Variants in MTRR observed in about 807,000 individuals in gnomAD.
MTRR encodes 5-methyltetrahydrofolate-homocysteine methyltransferase reductase.
A neutral mutation model predicts 79.2 loss-of-function variants in MTRR; 63 were observed. That is an observed-to-expected ratio of 0.80 (90% CI 0.65 to 0.98). MTRR has a LOEUF of 0.98. Among genes scored for constraint, MTRR ranks in the 50% least tolerant of loss-of-function variants. The pLI is 0.00. For missense variants in MTRR, 895 were observed against 839.6 expected (o/e 1.07, Z -0.82); for synonymous variants, 355 against 313.3 (o/e 1.13, Z -1.41).
chr5:7,859,296 A>G (rs1327435193), intron 1 of MTRR: 1 of 481,846 alleles, frequency 2.1e-6, no homozygotes, highest in East Asian at 3.3e-5. Flanking sequence ...TACATAGTAT[A>G]AGGAAAACTA....
At chr5:7,880,565 C>T (rs1186931917) in intron 5 of MTRR, among the ~76,000 whole-genome samples, 2 of 152,186 alleles carry the variant, frequency 1.3e-5, no homozygotes, top group African/African-American at 4.8e-5. Context: ...AATGGAGATA[C>T]GATAGAGACC....
Position 7,889,006 on chromosome 5 carries a change from G to A in MTRR, c.1147-89G>A. 3.4e-6 allele frequency: 5 copies of A among 1,470,366 alleles called. No homozygotes were observed. In the East Asian group the frequency reaches 1.1e-4, roughly 34 times the overall value. 91.1% of individuals were successfully genotyped at this position (1,470,366 alleles called of 1,614,324 possible). Reference sequence around the variant, plus strand: ...TTTCTCATTTTTTCTTGGGTAATTGGGTGCATCCCTAGGCAGACATTTAAC... The same window carrying A: ...TTTCTCATTTTTTCTTGGGTAATTGAGTGCATCCCTAGGCAGACATTTAAC... On this transcript the variant is annotated intron_variant, in intron 8 of 14. Transcript: ENST00000440940.
intron 2 of MTRR, chr5:7,872,350 A>G: frequency 2.8e-6 from 1 of 360,584 alleles, no homozygotes; most frequent in Non-Finnish European, 5.4e-6. Context: ...AATTTACACG[A>G]GAGTAAGAAT....
intron 3 of MTRR, among the ~76,000 whole-genome samples, chr5:7,875,003 A>G (rs1417876742): frequency 2.0e-5 from 3 of 152,184 alleles, no homozygotes; most frequent in South Asian, 4.1e-4. Context: ...TGGAGATGAA[A>G]ATGTGAAGTC....
Position 7,896,839 on chromosome 5 carries a change from C to T in MTRR, c.1677-25C>T, listed in dbSNP as rs759218623. On this transcript the variant is annotated intron_variant, in intron 12 of 14. Coordinates refer to ENST00000440940, the MANE Select transcript of MTRR (RefSeq NM_002454.3). Reference sequence around the variant, plus strand: ...TTTACATATTCTTTATATCACACACCTAAACTTTTTTTTTTTCCACTTAGA... The same window carrying T: ...TTTACATATTCTTTATATCACACACTTAAACTTTTTTTTTTTCCACTTAGA... The T allele has an allele frequency of 1.9e-6, 3 of 1,594,428 alleles. No homozygotes were observed. The African/African-American group carries it at 4.0e-5, about 21-fold the overall frequency.
intron 1 of MTRR, chr5:7,859,472 A>C: frequency 6.2e-7 from 1 of 1,607,660 alleles, no homozygotes; most frequent in Non-Finnish European, 8.5e-7. Flanking sequence ...TTGAGAAAAC[A>C]GTTTTCTTTG....
chr5:7,868,045 T>TAA, upstream of MTRR: 1 of 1,612,896 alleles, frequency 6.2e-7, no homozygotes, highest in Non-Finnish European at 8.5e-7. Context: ...GAAAATCAGA[T>TAA]AAACGATAAA....
At chr5:7,851,055 G>A (rs1350620069), upstream of MTRR, 3 of 1,236,464 alleles carry the variant, frequency 2.4e-6, no homozygotes, top group South Asian at 3.9e-5. Context: ...CCTTGGCCGC[G>A]GTCCGTCCCG....
chr5:7,865,635 G>A (rs528848534), upstream of MTRR, among the ~76,000 whole-genome samples: 3 of 152,146 alleles, frequency 2.0e-5, no homozygotes, highest in Non-Finnish European at 4.4e-5. Context: ...CCTTCAGAGA[G>A]AATGGAGAAA....
intron 10 of MTRR, among the ~76,000 whole-genome samples, chr5:7,891,994 A>G (rs912392097): frequency 6.6e-6 from 1 of 152,096 alleles, no homozygotes; most frequent in African/African-American, 2.4e-5. Context: ...GTGAGCCAAG[A>G]TCGAGCCACT....
intron 1 of MTRR, among the ~76,000 whole-genome samples, chr5:7,855,925 G>T (rs1039721597): frequency 1.3e-5 from 2 of 152,168 alleles, no homozygotes; most frequent in Non-Finnish European, 2.9e-5. Flanking sequence ...CAACATGAAG[G>T]CAGGTTTCCT....
At chr5:7,887,538 A>ATATATGTATATTTATATATATATAGATT (rs577768398) in intron 8 of MTRR, among the ~76,000 whole-genome samples, 2,348 of 148,008 alleles carry the variant, frequency 0.016, 29 homozygotes, top group Non-Finnish European at 0.024. Context: ...CTCTAAATAA[A>ATATATGTATATTTATATATATATAGATT]TATATGTATA....
chr5:7,858,585 T>C (rs1167883638), intron 1 of MTRR, among the ~76,000 whole-genome samples: 1 of 152,196 alleles, frequency 6.6e-6, no homozygotes, highest in Admixed American at 6.5e-5. Flanking sequence ...AAAACCATGA[T>C]GGGGTAGACG....
intron 11 of MTRR, chr5:7,893,673 A>G (rs578144176): frequency 6.6e-6 from 1 of 152,030 alleles, no homozygotes; most frequent in Non-Finnish European, 1.5e-5. Context: ...CTTTCTTCAT[A>G]GTAATGAAGA....
upstream of MTRR, chr5:7,867,608 A>G (rs754766193): frequency 5.6e-6 from 9 of 1,614,258 alleles, no homozygotes; most frequent in Non-Finnish European, 7.6e-6. Flanking sequence ...TAAAGCTTGA[A>G]AGATGCTATT....
At chr5:7,867,503 C>CT, upstream of MTRR, 1 of 1,614,250 alleles carries the variant, frequency 6.2e-7, no homozygotes, top group Non-Finnish European at 8.5e-7. Flanking sequence ...CAACAGGCTA[C>CT]TTTGAGGATC....
chr5:7,896,041 A>AACTTCC (rs1738455361), intron 12 of MTRR, among the ~76,000 whole-genome samples, 189 bp downstream of exon 12: 1 of 152,236 alleles, frequency 6.6e-6, no homozygotes, highest in African/African-American at 2.4e-5. Context: ...TTTGTACTAG[A>AACTTCC]ACTTCCTTTT....
At chr5:7,873,836 T>C (rs1211214770) in intron 3 of MTRR, among the ~76,000 whole-genome samples, 1 of 152,144 alleles carries the variant, frequency 6.6e-6, no homozygotes, top group Non-Finnish European at 1.5e-5. Context: ...GAAACAGTCC[T>C]TGAAGAAGCA....
chr5:7,880,928 C>G (rs1735475670), intron 5 of MTRR, among the ~76,000 whole-genome samples: 1 of 152,170 alleles, frequency 6.6e-6, no homozygotes, highest in Non-Finnish European at 1.5e-5. Context: ...CCCCTTAGCC[C>G]AGTGTACATT....
Sources: allele counts gnomAD v4.1 joint callset (sites outside exome capture counted in the v4.1 genomes callset), GRCh38; gene constraint gnomAD v4.1.1; transcripts MANE v1.5; gene names NCBI Gene and HGNC (gene_info 2026-07-23, HGNC 2026-07-21).